Variants in GGTA1 observed in about 807,000 individuals in gnomAD.
GGTA1 encodes glycoprotein alpha-galactosyltransferase 1 (inactive).
In GGTA1, 5 loss-of-function variants were observed where a neutral mutation model predicts 2.6. The observed-to-expected ratio is 1.92, with a 90% CI of 1.00 to 4.04. GGTA1 has a LOEUF of 4.04. Among genes scored for constraint, GGTA1 ranks in the 30% most tolerant of loss-of-function variants. The probability of loss-of-function intolerance (pLI) is 0.00; values close to 1 mark genes in which losing one functional copy is unlikely to be tolerated. For synonymous variants in GGTA1, 17 were observed against 5.0 expected (o/e 3.38, Z -3.19); for missense variants, 50 against 16.7 (o/e 2.99, Z -3.47).
chr9:121,496,757 A>AAAAAAAAAAAAAAAAAAAAAAAAGAG lies in GGTA1; in HGVS notation c.-10+2892_-10+2893insCTCTTTTTTTTTTTTTTTTTTTTTTT, dbSNP rs1554838784. On this transcript the variant is annotated intron_variant, in intron 1 of 5. Coordinates refer to ENST00000481799, the MANE Select transcript of GGTA1 (RefSeq NM_001382585.1). Reference sequence around the variant, plus strand: ...AAAAAAAAAAAAAAAAAAAAAAAAAAAGAGAGAGAGAATCGCTTGAATGAA... The same window carrying AAAAAAAAAAAAAAAAAAAAAAAAGAG: ...AAAAAAAAAAAAAAAAAAAAAAAAAAAAAAAAAAAAAAAAAAAAAAAAAGAGAGAGAGAGAGAATCGCTTGAATGAA... Among the ~76,000 whole-genome samples the AAAAAAAAAAAAAAAAAAAAAAAAGAG allele has an allele frequency of 2.9e-4, 33 of 111,978 alleles. 2 individuals carry two copies. Among genetic ancestry groups the AAAAAAAAAAAAAAAAAAAAAAAAGAG allele is most frequent in the Middle Eastern group, 5.9e-3 (1 of 170 alleles). 73.5% of individuals were successfully genotyped at this position (111,978 alleles called of 152,430 possible).
Position 121,476,821 on chromosome 9 carries a change from C to T in GGTA1, c.-9-8890G>A, listed in dbSNP as rs565722827. Among the ~76,000 whole-genome samples, 2 of 152,216 alleles carry T rather than the reference C, an allele frequency of 1.3e-5. No homozygotes were observed. Among genetic ancestry groups the T allele is most frequent in the East Asian group, 3.9e-4 (2 of 5,172 alleles). On this transcript the variant is annotated intron_variant, in intron 1 of 5. Transcript: ENST00000481799. This position sits in a 1 kb window ranked among gnomAD's most constrained non-coding sequence, Gnocchi z 4.6. ...CCATTAGGGTGAGCATGAGAAAGCC[C>T]CAAATGCTTCCCAGAGGTAGAGTGT...
intron 3 of GGTA1, among the ~76,000 whole-genome samples, chr9:121,462,500 G>A (rs561627474): frequency 4.3e-4 from 66 of 152,212 alleles, no homozygotes; most frequent in African/African-American, 1.5e-3. Flanking sequence ...GTTTGAGATG[G>A]CTTCCAATAC....
At chr9:121,471,681 T>G (rs1035312101) in intron 1 of GGTA1, among the ~76,000 whole-genome samples, 1 of 152,192 alleles carries the variant, frequency 6.6e-6, no homozygotes, top group Non-Finnish European at 1.5e-5. Flanking sequence ...TGGGCAGTAT[T>G]CCACAGACCC....
At chr9:121,494,051 C>T (rs1192343030) in intron 1 of GGTA1, among the ~76,000 whole-genome samples, 1 of 152,138 alleles carries the variant, frequency 6.6e-6, no homozygotes, top group East Asian at 1.9e-4. Flanking sequence ...ACCACCGCAC[C>T]CAGCCGCTAG....
chr9:121,474,788 A>G (rs1828468868), intron 1 of GGTA1, among the ~76,000 whole-genome samples: 1 of 151,922 alleles, frequency 6.6e-6, no homozygotes. Context: ...AGAGAGCAGG[A>G]ATCCGGCAGG....
At position 121,478,948 on chromosome 9, in the gene GGTA1, A is replaced by C. The variant is rs183321755; in HGVS notation, c.-9-11017T>G. 7.8e-3 allele frequency: 3,308 copies of C among 423,154 alleles called. 20 individuals are homozygous for C. Among genetic ancestry groups the C allele is most frequent in the Non-Finnish European group, 0.011 (2,415 of 217,028 alleles). The allele number at this position is 423,154 out of a possible 1,614,324, so 26.2% of individuals were successfully genotyped here. On this transcript the variant is annotated intron_variant, in intron 1 of 5. Transcript: ENST00000481799. ...CATCCATAACTTCACCCTGAGCCCCAAGACTTGCCCCCTGCTCCTGCATTA... is the reference window on the plus strand; with the variant it reads ...CATCCATAACTTCACCCTGAGCCCCCAGACTTGCCCCCTGCTCCTGCATTA...
At chr9:121,493,622 T>C (rs17417602) in intron 1 of GGTA1, among the ~76,000 whole-genome samples, 41,398 of 151,828 alleles carry the variant, frequency 0.27, 6,157 homozygotes, top group Middle Eastern at 0.37. Context: ...TGTCAACCCA[T>C]TCTGATCTCT....
At chr9:121,463,494 G>A (rs2064977638) in intron 2 of GGTA1, among the ~76,000 whole-genome samples, 166 bp from the exon 3 acceptor site, 1 of 152,126 alleles carries the variant, frequency 6.6e-6, no homozygotes, top group East Asian at 1.9e-4. Context: ...TCAGGAGGAT[G>A]GAAATTTCCA....
At chr9:121,451,392 A>G (rs547708824), downstream of GGTA1, among the ~76,000 whole-genome samples, 26 of 152,266 alleles carry the variant, frequency 1.7e-4, no homozygotes, top group South Asian at 2.3e-3. Flanking sequence ...TCACCGTGTT[A>G]GCTAGGATGG....
downstream of GGTA1, among the ~76,000 whole-genome samples, chr9:121,450,926 C>G (rs2064875153): frequency 6.6e-6 from 1 of 152,122 alleles, no homozygotes; most frequent in Admixed American, 6.5e-5. Flanking sequence ...CTTTGGAGAA[C>G]TATCAGATCT....
chr9:121,479,370 G>A (rs1213180816), intron 1 of GGTA1: 1 of 340,098 alleles, frequency 2.9e-6, no homozygotes. Flanking sequence ...CAGGAGATGG[G>A]GAGTAGACAG....
chr9:121,446,940 G>T (rs543831988), exon 8 of GGTA1: 1 of 152,256 alleles, frequency 6.6e-6, no homozygotes, highest in South Asian at 2.1e-4. Flanking sequence ...ATACTCTTTT[G>T]TCTGCCACGA....
downstream of GGTA1, among the ~76,000 whole-genome samples, chr9:121,454,510 A>T (rs2064895477): frequency 4.6e-5 from 7 of 152,236 alleles, no homozygotes; most frequent in Admixed American, 3.9e-4. Flanking sequence ...CAATGAAGAA[A>T]CTAGCACAGA....
In GGTA1 at chr9:121,476,281, C is replaced by A. The variant is rs188997634; in HGVS notation, c.-9-8350G>T. On this transcript the variant is annotated intron_variant, in intron 1 of 5. Transcript: ENST00000481799. The surrounding 1 kb of genome is among the most constrained non-coding windows in gnomAD (Gnocchi z 4.6). The stretch of plus-strand genomic sequence containing the variant: ...TCCCAGGAACACGGCTCTGACCAGA[C>A]CAGCTGCACCTCCATTTGCACCCCA... Among the ~76,000 whole-genome samples, 2 of 152,270 alleles carry A rather than the reference C, an allele frequency of 1.3e-5. No homozygotes were observed. Among genetic ancestry groups the A allele is most frequent in the Admixed American group, 6.5e-5 (1 of 15,292 alleles).
downstream of GGTA1, among the ~76,000 whole-genome samples, chr9:121,451,743 T>C (rs2064879357): frequency 6.6e-6 from 1 of 152,140 alleles, no homozygotes; most frequent in African/African-American, 2.4e-5. Flanking sequence ...AATCTCTCTG[T>C]AGTTGGTCCT....
intron 4 of GGTA1, 101 bp from the exon 5 acceptor site, chr9:121,460,320 A>T: frequency 2.3e-6 from 1 of 430,314 alleles, no homozygotes; most frequent in East Asian, 7.0e-5. Flanking sequence ...AAGGCAGATT[A>T]TGCATGCACT....
At chr9:121,483,782 C>T (rs756352810) in intron 1 of GGTA1, among the ~76,000 whole-genome samples, 2 of 152,186 alleles carry the variant, frequency 1.3e-5, no homozygotes, top group Non-Finnish European at 2.9e-5. Flanking sequence ...CAGGTCACTT[C>T]CTGCTGGGAA....
intron 2 of GGTA1, 129 bp from the exon 3 acceptor site, chr9:121,463,457 C>G: frequency 2.7e-6 from 1 of 369,350 alleles, no homozygotes; most frequent in Non-Finnish European, 5.3e-6. Context: ...CTGGTTTCTA[C>G]CTTCCTTTGA....
At chr9:121,479,836 C>T (rs1485622573) in intron 1 of GGTA1, among the ~76,000 whole-genome samples, 4 of 152,146 alleles carry the variant, frequency 2.6e-5, no homozygotes, top group Non-Finnish European at 4.4e-5. Context: ...CTTCAGAAGT[C>T]GCTGTTTGGT....
Sources: gnomAD v4.1 joint callset for allele counts (sites outside exome capture counted in the v4.1 genomes callset) on GRCh38, gnomAD v4.1.1 for gene constraint, Gnocchi (gnomAD v3.1) non-coding constraint, MANE v1.5 for transcripts, NCBI Gene and HGNC (gene_info 2026-07-23, HGNC 2026-07-21) for gene names.